The following DNAH8 variants were observed in gnomAD, a reference collection of about 807,000 sequenced individuals.
DNAH8 encodes the protein axonemal beta dynein heavy chain 8.
In DNAH8, 382 loss-of-function variants were observed where a neutral mutation model predicts 562.1. The ratio of observed to expected loss-of-function variants is 0.68; its 90% CI spans 0.63 to 0.74. The LOEUF (loss-of-function observed/expected upper bound fraction) is 0.74, where lower values mean the gene tolerates loss of function less well. Ranked by LOEUF, DNAH8 falls within the 30% of genes least tolerant of loss-of-function variation. The pLI, the probability that DNAH8 is intolerant of heterozygous loss-of-function variation, is 0.00. For missense variants in DNAH8, 5,203 were observed against 5,620.4 expected (o/e 0.93, Z 2.37); for synonymous variants, 1,881 against 1,919.4 (o/e 0.98, Z 0.52).
intron 57 of DNAH8, among the ~76,000 whole-genome samples, chr6:38,887,657 T>G (rs1779038847): frequency 6.6e-6 from 1 of 152,094 alleles, no homozygotes. Context: ...CAGTGAGCTA[T>G]GATCACATTG....
chr6:38,953,499 C>T (rs1351540060), intron 82 of DNAH8, among the ~76,000 whole-genome samples: 5 of 152,102 alleles, frequency 3.3e-5, no homozygotes, highest in South Asian at 2.1e-4. Flanking sequence ...TGGTGGTTTC[C>T]GTTTCTTGGT....
chr6:38,828,202 A>G lies in DNAH8; in HGVS notation c.4102A>G (p.Asn1368Asp), dbSNP rs1428287075. 1 of 1,592,662 alleles carries G rather than the reference A, an allele frequency of 6.3e-7. No homozygotes were observed. The highest frequency in any genetic ancestry group is 2.3e-5 in the East Asian group (1 of 44,038). ...CCTGCAGGAAGCCTATGCTATTTTA[A>G]ACAGATTTGAAGTTGAAGTAACCAA... Reference protein sequence around the residue: ...GPIEEAYAILNRFEVEVTKEE... With the variant: ...GPIEEAYAILDRFEVEVTKEE... Residue 1368 changes from asparagine to aspartate, a missense_variant, in exon 30 of 93, where the codon AAC becomes GAC. By Grantham distance (23) the Asn-to-Asp change is conservative. Around this residue, in one of 6 missense-constraint regions of DNAH8, gnomAD observed 2,176 missense variants for 2,365.1 expected, o/e 0.92. Transcript: ENST00000327475.
In DNAH8 at chr6:38,842,500, A is replaced by C. The variant is rs1280652454; in HGVS notation, c.4599A>C (p.Gln1533His). 1 of 1,610,420 alleles carries C rather than the reference A, an allele frequency of 6.2e-7. No individual in the cohort carries two copies. Among genetic ancestry groups the C allele is most frequent in the African/African-American group, 1.3e-5 (1 of 74,768 alleles). ...TTAATGCAGAACTGCTGGAATTTCA[A>C]AACAGGTGAGTTTCAATGGAATTTT... ...EKINAELLEFQNRCRKLPKGL... is the reference protein window; with the variant it reads ...EKINAELLEFHNRCRKLPKGL... The change falls in exon 34 of 93, where the codon CAA becomes CAC. Residue 1533 changes from glutamine (Q) to histidine (H), a missense_variant. This residue lies in a region of DNAH8 where 2,176 missense variants were observed against 2,365.1 expected (regional missense o/e 0.92). Transcript: ENST00000327475.
At chr6:38,753,996 C>T (rs1203347698) in intron 9 of DNAH8, among the ~76,000 whole-genome samples, 1 of 152,112 alleles carries the variant, frequency 6.6e-6, no homozygotes, top group Non-Finnish European at 1.5e-5. Context: ...TTAAAAGTAA[C>T]CAGCAATTGC....
chr6:38,938,122 CG>C lies in DNAH8; in HGVS notation c.11714del (p.Gly3905GlufsTer11), dbSNP rs758035061. ...QEEFRPAATR[G>X]SILYFLITEM... The stretch of plus-strand genomic sequence containing the variant: ...AGGAGTTCCGGCCCGCAGCCACCCG[CG>C]GAAGCATCCTCTACTTCCTCATCAC... On this transcript the variant is annotated frameshift_variant, in exon 78 of 93. Transcript: ENST00000327475. LOFTEE classifies it high-confidence loss of function. The C allele has an allele frequency of 6.2e-7, 1 of 1,613,990 alleles. No homozygotes were observed. The highest frequency in any genetic ancestry group is 8.5e-7 in the Non-Finnish European group (1 of 1,180,002).
At position 38,831,116 on chromosome 6, in the gene DNAH8, G is replaced by T. The variant is rs185253648; in HGVS notation, c.4189-1206G>T. On this transcript the variant is annotated intron_variant, in intron 30 of 92. Coordinates refer to ENST00000327475, the MANE Select transcript of DNAH8 (RefSeq NM_001206927.2). ...GAGGTTTAGTGAAACCCAGTTTTCT[G>T]CTATTATATCAATGGAAAAGATTCA... 0.01 allele frequency among the ~76,000 whole-genome samples: 1,548 copies of T among 152,154 alleles called. 82 individuals carry two copies. The East Asian group carries it at 0.14, about 14-fold the overall frequency.
At position 38,908,069 on chromosome 6, in the gene DNAH8, C is replaced by T. The variant is rs769781971; in HGVS notation, c.9462C>T (p.Tyr3154=). Residue 3154 remains tyrosine, a synonymous_variant, in exon 64 of 93, where the codon TAC becomes TAT. Coordinates refer to ENST00000327475, the MANE Select transcript of DNAH8 (RefSeq NM_001206927.2). ...CTACCTTTGATAATTTGTATGAATACTTCATTTCAAGATCAAGGAAGAACT... is the reference window on the plus strand; with the variant it reads ...CTACCTTTGATAATTTGTATGAATATTTCATTTCAAGATCAAGGAAGAACT... The part of the protein sequence containing the change: ...HPPTFDNLYE[Y]FISRSRKNLH... The T allele has an allele frequency of 1.9e-6, 3 of 1,607,142 alleles. No homozygotes were observed. Among genetic ancestry groups the T allele is most frequent in the East Asian group, 4.5e-5 (2 of 44,622 alleles).
At chr6:38,827,702 CCTGACTGCAAAAGCTTAATTCTTTA>C (rs1215291777) in intron 29 of DNAH8, among the ~76,000 whole-genome samples, 1 of 137,194 alleles carries the variant, frequency 7.3e-6, no homozygotes, top group Non-Finnish European at 1.5e-5. Context: ...TCAAATTTTC[CCTGACTGCAAAAGCTTAATTCTTTA>C]CCAAACTTTT....
Position 38,906,237 on chromosome 6 carries a change from A to T in DNAH8, c.9195-17A>T. 6.6e-7 allele frequency: 1 copy of T among 1,522,896 alleles called. No individual in the cohort carries two copies. The allele number at this position is 1,522,896 out of a possible 1,614,324, so 94.3% of individuals were successfully genotyped here. ...TATATTTTTTAATCTAAAACTTTCT[A>T]TCATTTTTCTTCTTAGGTCTTACAA... is the stretch of plus-strand genomic sequence containing the variant. On this transcript the variant is annotated splice_polypyrimidine_tract_variant and intron_variant, in intron 62 of 92. Coordinates refer to ENST00000327475, the MANE Select transcript of DNAH8 (RefSeq NM_001206927.2).
At chr6:38,875,499 T>C in intron 52 of DNAH8, 92 bp from the exon 53 acceptor site, 1 of 774,678 alleles carries the variant, frequency 1.3e-6, no homozygotes, top group Admixed American at 3.2e-5. Flanking sequence ...TTTTCTTCTC[T>C]CTTCCTTCCT....
intron 11 of DNAH8, 133 bp downstream of exon 11, chr6:38,761,936 A>T: frequency 2.1e-6 from 1 of 485,056 alleles, no homozygotes; most frequent in Non-Finnish European, 3.7e-6. Context: ...AAAAGAATAC[A>T]ATTCTTATTA....
chr6:38,949,374 C>G, intron 80 of DNAH8, 78 bp from the exon 81 acceptor site: 1 of 880,234 alleles, frequency 1.1e-6, no homozygotes, highest in Admixed American at 1.8e-5. Context: ...ATGACCCTCT[C>G]AGGTGATTCA....
intron 41 of DNAH8, among the ~76,000 whole-genome samples, chr6:38,854,879 TA>T (rs1187749735): frequency 2.0e-4 from 30 of 149,406 alleles, no homozygotes; most frequent in South Asian, 2.1e-4. Context: ...ACTTTGTATT[TA>T]ATATATATAC....
At chr6:38,878,218 A>G (rs1357621417) in intron 53 of DNAH8, among the ~76,000 whole-genome samples, 2 of 152,228 alleles carry the variant, frequency 1.3e-5, no homozygotes, top group Non-Finnish European at 2.9e-5. Context: ...AACACTATCA[A>G]TACCCTGAAT....
chr6:38,790,015 G>GTTTTTT, intron 19 of DNAH8, 132 bp downstream of exon 19: 1 of 550,160 alleles, frequency 1.8e-6, no homozygotes, highest in Non-Finnish European at 3.0e-6. Flanking sequence ...TTATAGCTCT[G>GTTTTTT]TTTTTTTTTT....
At chr6:39,016,912 G>C (rs1191596039) in intron 91 of DNAH8, among the ~76,000 whole-genome samples, 2 of 152,152 alleles carry the variant, frequency 1.3e-5, no homozygotes, top group African/African-American at 2.4e-5. Flanking sequence ...TGCCTTATGG[G>C]TGGCCTGATA....
At chr6:38,969,524 T>C (rs780925763) in intron 82 of DNAH8, among the ~76,000 whole-genome samples, 26 of 151,844 alleles carry the variant, frequency 1.7e-4, no homozygotes, top group South Asian at 2.1e-4. Context: ...CCGTTTTAGA[T>C]AGAACAAGGT....
At chr6:38,850,141 G>A (rs552369842) in intron 37 of DNAH8, 110 bp from the exon 38 acceptor site, 1 of 990,910 alleles carries the variant, frequency 1.0e-6, no homozygotes, top group Non-Finnish European at 1.5e-6. Flanking sequence ...TATGCAGCCT[G>A]AGACTAATAG....
At chr6:38,866,263 CTA>C (rs1043555580) in intron 45 of DNAH8, among the ~76,000 whole-genome samples, 8 of 152,144 alleles carry the variant, frequency 5.3e-5, no homozygotes, top group Non-Finnish European at 1.2e-4. Context: ...TATCAGGTAT[CTA>C]TTCAGTTTTC....
Sources: allele counts gnomAD v4.1 joint callset (sites outside exome capture counted in the v4.1 genomes callset), GRCh38; gene constraint gnomAD v4.1.1; regional missense constraint gnomAD v4.1.1; transcripts MANE v1.5; gene names NCBI Gene and HGNC (gene_info 2026-07-23, HGNC 2026-07-21).